The following FAR2 variants were observed in gnomAD, a reference collection of about 807,000 sequenced individuals.
FAR2 encodes fatty acyl-CoA reductase 2.
FAR2 carries 19 observed loss-of-function variants against 56.0 expected under a neutral mutation model. The observed-to-expected ratio is 0.34, with a 90% confidence interval of 0.24 to 0.50. The LOEUF (loss-of-function observed/expected upper bound fraction) is 0.50, where lower values mean the gene tolerates loss of function less well. Among genes scored for constraint, FAR2 ranks in the 20% least tolerant of loss-of-function variants. The pLI is 0.98. For missense variants in FAR2, 508 were observed against 642.2 expected (o/e 0.79, Z 2.26); for synonymous variants, 219 against 218.8 (o/e 1.00, Z -0.01).
intron 1 of FAR2, among the ~76,000 whole-genome samples, chr12:29,239,452 CTGTGTG>C (rs34821915): frequency 6.1e-5 from 9 of 147,834 alleles, no homozygotes; most frequent in African/African-American, 1.0e-4. Flanking sequence ...AATGAATCAA[CTGTGTG>C]TGTGTGTGTG....
At chr12:29,248,171 T>G (rs1319934397) in intron 1 of FAR2, among the ~76,000 whole-genome samples, 1 of 152,232 alleles carries the variant, frequency 6.6e-6, no homozygotes, top group African/African-American at 2.4e-5. Flanking sequence ...GCTTCTGATA[T>G]TATCCATTTG....
At chr12:29,153,800 G>C (rs1949700012) in intron 1 of FAR2, among the ~76,000 whole-genome samples, 1 of 152,132 alleles carries the variant, frequency 6.6e-6, no homozygotes, top group Non-Finnish European at 1.5e-5. Flanking sequence ...GATTGGATAT[G>C]GGAGGTGGGA....
chr12:29,218,654 A>T lies in FAR2; in HGVS notation c.-38-51758A>T, dbSNP rs532832789. On this transcript the variant is annotated intron_variant, in intron 1 of 11. Transcript: ENST00000536681. ...TAAAATGTTAACTCACATGGTAAAA[A>T]ATCTTAGGTTATGCCAGTCAGGATG... 1.4e-4 allele frequency among the ~76,000 whole-genome samples: 21 copies of T among 152,304 alleles called. No homozygotes were observed. The East Asian group carries it at 3.9e-3, about 28-fold the overall frequency.
intron 5 of FAR2, among the ~76,000 whole-genome samples, chr12:29,308,865 A>G (rs1462430883): frequency 6.6e-6 from 1 of 152,026 alleles, no homozygotes; most frequent in African/African-American, 2.4e-5. Context: ...ATGGTTGGTG[A>G]ATTGCTTAGC....
intron 1 of FAR2, among the ~76,000 whole-genome samples, chr12:29,206,092 T>G (rs1279552707): frequency 6.6e-6 from 1 of 152,206 alleles, no homozygotes; most frequent in Non-Finnish European, 1.5e-5. Context: ...GTGAGAATGG[T>G]TCTATACCAC....
intron 1 of FAR2, among the ~76,000 whole-genome samples, chr12:29,169,164 C>T (rs1321543482): frequency 1.3e-5 from 2 of 152,208 alleles, no homozygotes; most frequent in African/African-American, 4.8e-5. Context: ...CTTCACCTCT[C>T]AATCCCCCCT....
At chr12:29,170,655 C>T (rs931413255) in intron 1 of FAR2, among the ~76,000 whole-genome samples, 4 of 152,046 alleles carry the variant, frequency 2.6e-5, no homozygotes, top group African/African-American at 9.7e-5. Flanking sequence ...TTCTCTCTCT[C>T]TCTGACTCCC....
intron 2 of FAR2, among the ~76,000 whole-genome samples, chr12:29,290,613 T>G (rs1948949571): frequency 6.6e-6 from 1 of 152,120 alleles, no homozygotes; most frequent in Non-Finnish European, 1.5e-5. Flanking sequence ...TGTCCATCAA[T>G]AGATGAATGG....
chr12:29,180,256 C>A (rs956778971), intron 1 of FAR2, among the ~76,000 whole-genome samples: 8 of 152,088 alleles, frequency 5.3e-5, no homozygotes, highest in Admixed American at 4.6e-4. Flanking sequence ...GATCAAAAAA[C>A]CAAAACAAAG....
chr12:29,201,674 G>A (rs1167432626), intron 1 of FAR2, among the ~76,000 whole-genome samples: 1 of 152,138 alleles, frequency 6.6e-6, no homozygotes, highest in Non-Finnish European at 1.5e-5. Flanking sequence ...TGATGACTTT[G>A]CTATACCTGG....
intron 1 of FAR2, among the ~76,000 whole-genome samples, chr12:29,155,017 G>A (rs901238332): frequency 6.6e-6 from 1 of 152,194 alleles, no homozygotes; most frequent in South Asian, 2.1e-4. Context: ...AATTGACTCT[G>A]TTAATAGGCA....
At position 29,307,660 on chromosome 12, in the gene FAR2, G is replaced by A; in HGVS notation, c.548G>A (p.Trp183Ter). ...EPKKIIDSLE[W>*]LDDAIIDEIT... is the part of the protein sequence containing the mutation. ...ATTCTCTTTACTCTACCTTTTAGGT[G>A]GTTAGACGATGCTATTATTGACGAG... is the stretch of plus-strand genomic sequence containing the variant. The change falls in exon 5 of 12, where the codon TGG becomes TAG. Residue 183 changes from tryptophan (W) to a stop codon, truncating the protein, a stop_gained and splice_region_variant. Coordinates refer to ENST00000536681, the MANE Select transcript of FAR2 (RefSeq NM_001271783.2). LOFTEE classifies it high-confidence loss of function. 1 of 1,608,348 alleles carries A rather than the reference G, an allele frequency of 6.2e-7. No homozygotes were observed. The highest frequency in any genetic ancestry group is 8.5e-7 in the Non-Finnish European group (1 of 1,177,754).
At chr12:29,197,300 C>T (rs1950151962) in intron 1 of FAR2, among the ~76,000 whole-genome samples, 2 of 152,148 alleles carry the variant, frequency 1.3e-5, no homozygotes, top group African/African-American at 4.8e-5. Context: ...TTTTGTAACT[C>T]AGCTAATACC....
chr12:29,161,066 T>C (rs771978445), intron 1 of FAR2, among the ~76,000 whole-genome samples: 8 of 152,212 alleles, frequency 5.3e-5, no homozygotes, highest in Non-Finnish European at 1.0e-4. Flanking sequence ...TATGGATTAA[T>C]AGTGAACATA....
intron 1 of FAR2, among the ~76,000 whole-genome samples, chr12:29,175,769 G>C (rs1000851031): frequency 2.0e-4 from 30 of 152,178 alleles, no homozygotes; most frequent in African/African-American, 7.2e-4. Context: ...GCGAGACCCA[G>C]AGCGCTGATT....
intron 2 of FAR2, among the ~76,000 whole-genome samples, chr12:29,290,160 T>C (rs1591933477): frequency 6.6e-6 from 1 of 152,160 alleles, no homozygotes; most frequent in South Asian, 2.1e-4. Flanking sequence ...AGAAATACCA[T>C]ATGGGCCAGG....
At chr12:29,311,579 A>G (rs1949352191) in intron 7 of FAR2, among the ~76,000 whole-genome samples, 1 of 151,878 alleles carries the variant, frequency 6.6e-6, no homozygotes, top group South Asian at 2.1e-4. Context: ...TTGTTCATAT[A>G]TTTGGGTCTG....
intron 4 of FAR2, among the ~76,000 whole-genome samples, chr12:29,304,377 C>G (rs1479796668): frequency 1.3e-5 from 2 of 152,206 alleles, no homozygotes; most frequent in Non-Finnish European, 2.9e-5. Context: ...CCCTGATCTT[C>G]TGGACTCACT....
intron 1 of FAR2, among the ~76,000 whole-genome samples, chr12:29,172,386 T>TA (rs916036404): frequency 1.1e-4 from 16 of 150,934 alleles, no homozygotes; most frequent in East Asian, 3.9e-4. Flanking sequence ...ATTAAAAGTT[T>TA]AAAAAAAAAA....
Sources: allele counts gnomAD v4.1 joint callset (sites outside exome capture counted in the v4.1 genomes callset), GRCh38; gene constraint gnomAD v4.1.1; transcripts MANE v1.5; gene names NCBI Gene and HGNC (gene_info 2026-07-23, HGNC 2026-07-21).